Variants in HIPK2 observed in about 807,000 individuals in gnomAD.
HIPK2 encodes homeodomain interacting protein kinase 2, also known as homeodomain-interacting protein kinase 2.
In HIPK2, 27 loss-of-function variants were observed where a neutral mutation model predicts 113.7. The ratio of observed to expected loss-of-function variants is 0.24; its 90% CI spans 0.17 to 0.33. The LOEUF is 0.33. Among genes scored for constraint, HIPK2 ranks in the 10% least tolerant of loss-of-function variants. The pLI, the probability that HIPK2 is intolerant of heterozygous loss-of-function variation, is 1.00. For missense variants in HIPK2, 1,257 were observed against 1,588.0 expected (o/e 0.79, Z 3.54); for synonymous variants, 631 against 642.2 (o/e 0.98, Z 0.26).
intron 1 of HIPK2, among the ~76,000 whole-genome samples, chr7:139,727,988 G>A (rs112288608): frequency 0.013 from 1,970 of 146,480 alleles, 46 homozygotes; most frequent in African/African-American, 0.048. Flanking sequence ...CACCCAGGCT[G>A]GAGTAGAGTG....
intron 1 of HIPK2, among the ~76,000 whole-genome samples, chr7:139,769,304 C>T (rs10245100): frequency 2.5e-3 from 363 of 143,782 alleles, no homozygotes; most frequent in African/African-American, 7.5e-3. Flanking sequence ...TCCATCTCCA[C>T]GGCCGCAGTG....
At chr7:139,650,202 T>C (rs1801405747) in intron 2 of HIPK2, among the ~76,000 whole-genome samples, 1 of 151,652 alleles carries the variant, frequency 6.6e-6, no homozygotes, top group Admixed American at 6.6e-5. Flanking sequence ...ATACAAAAAT[T>C]AGCTGGGTGT....
At chr7:139,734,607 A>G (rs1206087288) in intron 1 of HIPK2, among the ~76,000 whole-genome samples, 2 of 152,210 alleles carry the variant, frequency 1.3e-5, no homozygotes, top group Non-Finnish European at 2.9e-5. Flanking sequence ...AAGTTCTGAC[A>G]TCATGATAAC....
intron 2 of HIPK2, among the ~76,000 whole-genome samples, chr7:139,654,574 G>A (rs188263463): frequency 3.3e-4 from 50 of 152,306 alleles, no homozygotes; most frequent in African/African-American, 1.2e-3. Flanking sequence ...CTTTGGAACT[G>A]TTTAATGCAT....
intron 7 of HIPK2, among the ~76,000 whole-genome samples, chr7:139,620,178 A>G (rs1161076594): frequency 3.3e-5 from 5 of 152,212 alleles, no homozygotes; most frequent in Non-Finnish European, 7.3e-5. Context: ...CTCAGAAAGA[A>G]TGGCCCTCAC....
chr7:139,655,832 G>A (rs187192603), intron 2 of HIPK2, among the ~76,000 whole-genome samples: 33 of 152,250 alleles, frequency 2.2e-4, no homozygotes, highest in Admixed American at 1.5e-3. Flanking sequence ...GGCTCAGGGT[G>A]GGGAGGCAAG....
intron 2 of HIPK2, among the ~76,000 whole-genome samples, chr7:139,673,788 C>T (rs1056544775): frequency 6.7e-6 from 1 of 148,628 alleles, no homozygotes; most frequent in Non-Finnish European, 1.5e-5. Flanking sequence ...TGGCTCACAT[C>T]TGTAATCCCA....
chr7:139,614,133 A>T, intron 8 of HIPK2, 153 bp downstream of exon 8: 13 of 384,550 alleles, frequency 3.4e-5, no homozygotes, highest in Non-Finnish European at 4.6e-5. Flanking sequence ...GTAGGAGAGG[A>T]GCCCTCTAGT....
intron 1 of HIPK2, among the ~76,000 whole-genome samples, chr7:139,759,530 A>G (rs919226321): frequency 6.6e-6 from 1 of 152,246 alleles, no homozygotes; most frequent in African/African-American, 2.4e-5. Context: ...ATTAGACACA[A>G]TCCAAGATTA....
chr7:139,625,157 C>T (rs1800382884), intron 6 of HIPK2, among the ~76,000 whole-genome samples: 2 of 152,188 alleles, frequency 1.3e-5, no homozygotes, highest in South Asian at 4.1e-4. Flanking sequence ...TGCTCTGAAC[C>T]CTGTCTTAAA....
At chr7:139,621,778 C>T (rs544648238) in intron 6 of HIPK2, among the ~76,000 whole-genome samples, 1 of 151,704 alleles carries the variant, frequency 6.6e-6, no homozygotes, top group Admixed American at 6.6e-5. Flanking sequence ...TAAAAATTAG[C>T]TGGCTGTGGT....
At chr7:139,678,801 T>G (rs1802598734) in intron 2 of HIPK2, among the ~76,000 whole-genome samples, 2 of 152,258 alleles carry the variant, frequency 1.3e-5, no homozygotes, top group South Asian at 4.1e-4. Context: ...GAGCATGGAA[T>G]GTTCTTCCAT....
chr7:139,573,617 G>A (rs1798387701), intron 14 of HIPK2, among the ~76,000 whole-genome samples: 4 of 152,116 alleles, frequency 2.6e-5, no homozygotes, highest in Admixed American at 2.0e-4. Context: ...AGAGGTGGGC[G>A]GATCACCTGA....
chr7:139,742,440 C>T (rs1255818883), intron 1 of HIPK2, among the ~76,000 whole-genome samples: 1 of 152,106 alleles, frequency 6.6e-6, no homozygotes, highest in Non-Finnish European at 1.5e-5. Context: ...CAGTGCACAC[C>T]GTGGATCTCC....
intron 1 of HIPK2, among the ~76,000 whole-genome samples, chr7:139,748,036 T>C (rs1004370580): frequency 6.6e-6 from 1 of 152,128 alleles, no homozygotes; most frequent in Admixed American, 6.5e-5. Context: ...GCCAATTTTT[T>C]TTTTTAACTG....
At chr7:139,654,395 C>T (rs1038540097) in intron 2 of HIPK2, among the ~76,000 whole-genome samples, 6 of 152,148 alleles carry the variant, frequency 3.9e-5, no homozygotes, top group South Asian at 2.1e-4. Context: ...CACCTATAGT[C>T]GCAGCTACTC....
intron 14 of HIPK2, among the ~76,000 whole-genome samples, chr7:139,573,986 G>A (rs578234439): frequency 3.3e-5 from 5 of 152,278 alleles, no homozygotes; most frequent in Admixed American, 2.0e-4. Flanking sequence ...CAGAAGCTGT[G>A]AAGTATCAGG....
At chr7:139,589,002 C>T (rs1418072433) in intron 12 of HIPK2, among the ~76,000 whole-genome samples, 1 of 152,192 alleles carries the variant, frequency 6.6e-6, no homozygotes, top group Non-Finnish European at 1.5e-5. Flanking sequence ...TCTCATGAAA[C>T]GCAGACATGT....
At chr7:139,626,572 T>C in intron 6 of HIPK2, 29 bp downstream of exon 6, 4 of 1,601,346 alleles carry the variant, frequency 2.5e-6, no homozygotes, top group Non-Finnish European at 2.6e-6. Flanking sequence ...TGCCGATCCC[T>C]GGTACGAAGC....
Sources: allele counts gnomAD v4.1 joint callset (sites outside exome capture counted in the v4.1 genomes callset), GRCh38; gene constraint gnomAD v4.1.1; transcripts MANE v1.5; gene names NCBI Gene and HGNC (gene_info 2026-07-23, HGNC 2026-07-21).